The following C10orf90 variants were observed in gnomAD, a reference collection of about 807,000 sequenced individuals.
C10orf90 encodes chromosome 10 open reading frame 90.
Under a neutral mutation model 62.5 loss-of-function variants are expected in C10orf90, and 56 were observed. The observed-to-expected ratio is 0.90, with a 90% CI of 0.72 to 1.12. C10orf90 has a LOEUF of 1.12. Ranked by LOEUF, C10orf90 falls within the 50% of genes most tolerant of loss-of-function variation. The probability of loss-of-function intolerance (pLI) is 0.00; values close to 1 mark genes in which losing one functional copy is unlikely to be tolerated. For missense variants in C10orf90, 970 were observed against 880.4 expected, an observed-to-expected ratio of 1.10 and a Z score of -1.29; for synonymous variants, 386 against 340.4, an observed-to-expected ratio of 1.13 and a Z score of -1.47.
rs73378944 is a variant in C10orf90, at chr10:126,557,988, A to G, written c.314-44049T>C. Among the ~76,000 whole-genome samples the G allele has an allele frequency of 4.8e-3, 738 of 152,188 alleles. 5 individuals are homozygous for G. Among genetic ancestry groups the G allele is most frequent in the African/African-American group, 0.017 (716 of 41,514 alleles). ...TCGCCAGTCCACTCCTCTCCCAGCC[A>G]ATGATGCAGTCCTGCTGGCAGCCCT... On this transcript the variant is annotated intron_variant, in intron 2 of 9. Transcript: ENST00000488181.
chr10:126,502,085 C>T (rs1862431904), intron 4 of C10orf90, among the ~76,000 whole-genome samples: 1 of 146,014 alleles, frequency 6.8e-6, no homozygotes, highest in Non-Finnish European at 1.5e-5. Flanking sequence ...ACACACACAC[C>T]ACACAACCAC....
chr10:126,563,209 A>G (rs1311669620), intron 2 of C10orf90, among the ~76,000 whole-genome samples: 1 of 152,226 alleles, frequency 6.6e-6, no homozygotes, highest in Admixed American at 6.5e-5. Context: ...AGGGGAGTTC[A>G]TTGGCACTGC....
intron 7 of C10orf90, among the ~76,000 whole-genome samples, chr10:126,447,351 C>T (rs949179859): frequency 5.9e-5 from 9 of 151,670 alleles, no homozygotes; most frequent in Non-Finnish European, 1.0e-4. Flanking sequence ...AGGATATTCC[C>T]GATAAAAGAA....
At chr10:126,639,630 A>C (rs1846020677) in intron 2 of C10orf90, among the ~76,000 whole-genome samples, 1 of 152,210 alleles carries the variant, frequency 6.6e-6, no homozygotes, top group African/African-American at 2.4e-5. Flanking sequence ...CATCTGGATG[A>C]AGTCTTGTTG....
In C10orf90 at chr10:126,670,378, T is replaced by C. The variant is rs1456675094; in HGVS notation, c.103A>G (p.Thr35Ala). 4.4e-6 allele frequency: 2 copies of C among 456,756 alleles called. No individual in the cohort carries two copies. The highest frequency in any genetic ancestry group is 1.4e-4 in the East Asian group (2 of 14,398). The allele number at this position is 456,756 out of a possible 1,614,324, so 28.3% of individuals were successfully genotyped here. A position where few individuals can be genotyped will look rare whatever the true frequency, so the allele number is the denominator to read the frequency against. ...HRTFQIKTFS[T>A]ELKNHVMVMD... ...ACCATCACATGGTTTTTCAACTCTG[T>C]ACTAAATGTTTTTATCTGGAAAGTC... The change falls in exon 1 of 10, where the codon ACA becomes GCA. Residue 35 changes from threonine to alanine, a missense_variant. Transcript: ENST00000488181.
intron 2 of C10orf90, among the ~76,000 whole-genome samples, chr10:126,643,916 A>G (rs1756103048): frequency 6.6e-6 from 1 of 152,048 alleles, no homozygotes; most frequent in African/African-American, 2.4e-5. Context: ...GGCCATGGAG[A>G]GCCCAGAGGG....
At chr10:126,500,811 T>C (rs1323654745) in intron 4 of C10orf90, among the ~76,000 whole-genome samples, 1 of 152,234 alleles carries the variant, frequency 6.6e-6, no homozygotes, top group African/African-American at 2.4e-5. Flanking sequence ...TCATCTTCTC[T>C]TTTGGGTGCA....
At chr10:126,531,884 C>T (rs1041460536) in intron 2 of C10orf90, among the ~76,000 whole-genome samples, 2 of 152,130 alleles carry the variant, frequency 1.3e-5, no homozygotes, top group Non-Finnish European at 2.9e-5. Context: ...ATATTTCTGA[C>T]AAAGGACAGA....
intron 4 of C10orf90, among the ~76,000 whole-genome samples, chr10:126,485,122 G>C (rs942220979): frequency 6.6e-6 from 1 of 152,146 alleles, no homozygotes; most frequent in Admixed American, 6.5e-5. Context: ...CATATGGGTG[G>C]AGCCCTCATA....
chr10:126,433,732 G>A (rs3812674), intron 7 of C10orf90, among the ~76,000 whole-genome samples: 118,393 of 152,068 alleles, frequency 0.78, 46,246 homozygotes, highest in East Asian at 0.93. Flanking sequence ...AAAACAAAAC[G>A]AAAACAAAAC....
intron 7 of C10orf90, among the ~76,000 whole-genome samples, chr10:126,443,900 T>C (rs1858566361): frequency 6.6e-6 from 1 of 152,042 alleles, no homozygotes; most frequent in Admixed American, 6.6e-5. Context: ...ATACACCACC[T>C]AAACAGAATT....
At position 126,504,721 on chromosome 10, in the gene C10orf90, C is replaced by G. The variant is rs201209950; in HGVS notation, c.770G>C (p.Gly257Ala). 5.6e-6 allele frequency: 9 copies of G among 1,606,446 alleles called. No individual in the cohort carries two copies. Among genetic ancestry groups the G allele is most frequent in the Admixed American group, 3.4e-5 (2 of 59,492 alleles). ...CCTGCACTTGGGGCACAGAGAGTCCCCAGCAGTCCCCCACACCAGGGCGCG... is the reference window on the plus strand; with the variant it reads ...CCTGCACTTGGGGCACAGAGAGTCCGCAGCAGTCCCCCACACCAGGGCGCG... ...PARALVWGTA[G>A]DSLCPKCRAE... The change falls in exon 4 of 10, where the codon GGG (glycine) becomes GCG (alanine). Residue 257 changes from glycine to alanine, a missense_variant. Gly to Ala is a moderately conservative substitution (Grantham distance 60, BLOSUM62 0). Coordinates refer to ENST00000488181, the MANE Select transcript of C10orf90 (RefSeq NM_001350921.2). The surrounding 1 kb of genome is among the most constrained non-coding windows in gnomAD (Gnocchi z 4.1).
In C10orf90 at chr10:126,670,356, A is replaced by G. The variant is rs1487347346; in HGVS notation, c.125T>C (p.Met42Thr). The change falls in exon 1 of 10, where the codon ATG (methionine) becomes ACG (threonine). Residue 42 changes from methionine (M) to threonine (T), a missense_variant. Physicochemically the swap from Met to Thr is moderately conservative, Grantham distance 81. Transcript: ENST00000488181. ...GTTACTCTTCACAAAATCCATGACC[A>G]TCACATGGTTTTTCAACTCTGTACT... is the stretch of plus-strand genomic sequence containing the variant. ...TFSTELKNHV[M>T]VMDFVKSNWF... The G allele has an allele frequency of 4.4e-6, 2 of 456,670 alleles. No homozygotes were observed. The highest frequency in any genetic ancestry group is 1.5e-5 in the South Asian group (1 of 64,570). 28.3% of individuals were successfully genotyped at this position (456,670 alleles called of 1,614,324 possible). A position where few individuals can be genotyped will look rare whatever the true frequency, so the allele number is the denominator to read the frequency against.
chr10:126,484,423 A>C (rs55923659), intron 4 of C10orf90, among the ~76,000 whole-genome samples: 90 of 152,240 alleles, frequency 5.9e-4, no homozygotes, highest in African/African-American at 2.1e-3. Flanking sequence ...TCCAAAAAAA[A>C]CCCTAACACC....
At chr10:126,659,376 G>T (rs1417298270) in intron 1 of C10orf90, among the ~76,000 whole-genome samples, 2 of 152,212 alleles carry the variant, frequency 1.3e-5, no homozygotes, top group Non-Finnish European at 2.9e-5. Flanking sequence ...CCCTGACATA[G>T]GCCCTTGGTT....
chr10:126,555,075 A>T (rs1233475742), intron 2 of C10orf90, among the ~76,000 whole-genome samples: 1 of 152,162 alleles, frequency 6.6e-6, no homozygotes, highest in African/African-American at 2.4e-5. Flanking sequence ...CTTCTCAGAG[A>T]TGTGGCGTCT....
intron 2 of C10orf90, among the ~76,000 whole-genome samples, chr10:126,627,632 T>A (rs1199447984): frequency 6.6e-6 from 1 of 152,222 alleles, no homozygotes; most frequent in Non-Finnish European, 1.5e-5. Context: ...AGTTCATTTC[T>A]ACCTTCTGGC....
intron 1 of C10orf90, among the ~76,000 whole-genome samples, chr10:126,647,089 G>A (rs796290294): frequency 3.9e-5 from 6 of 152,298 alleles, no homozygotes; most frequent in African/African-American, 1.4e-4. Flanking sequence ...AGAATGTATA[G>A]GAAACTATTC....
chr10:126,507,337 A>G (rs908890545), intron 3 of C10orf90, among the ~76,000 whole-genome samples: 3 of 141,650 alleles, frequency 2.1e-5, no homozygotes, highest in Admixed American at 7.2e-5. Flanking sequence ...AGCCTGGGTG[A>G]CAGAGCGAGA....
Sources: allele counts gnomAD v4.1 joint callset (sites outside exome capture counted in the v4.1 genomes callset), GRCh38; gene constraint gnomAD v4.1.1; non-coding constraint Gnocchi (gnomAD v3.1); transcripts MANE v1.5; gene names NCBI Gene and HGNC (gene_info 2026-07-23, HGNC 2026-07-21).